The following VWA8 variants were observed in gnomAD, a reference collection of about 807,000 sequenced individuals.
VWA8 encodes von Willebrand factor A domain containing 8.
A neutral mutation model predicts 241.5 loss-of-function variants in VWA8; 221 were observed. The observed-to-expected ratio is 0.91, with a 90% confidence interval of 0.82 to 1.02. The LOEUF (loss-of-function observed/expected upper bound fraction) is 1.02, where lower values mean the gene tolerates loss of function less well. Among genes scored for constraint, VWA8 ranks in the 50% least tolerant of loss-of-function variants. VWA8 has a pLI of 0.00. For missense variants in VWA8, 2,322 were observed against 2,328.7 expected (o/e 1.00, Z 0.06); for synonymous variants, 852 against 827.1 (o/e 1.03, Z -0.52).
chr13:41,895,038 A>G (rs951783078), intron 4 of VWA8, among the ~76,000 whole-genome samples: 2 of 152,046 alleles, frequency 1.3e-5, no homozygotes, highest in African/African-American at 4.8e-5. Context: ...TGTTTAAATG[A>G]TGAAGAGGAG....
intron 39 of VWA8, among the ~76,000 whole-genome samples, chr13:41,608,536 CG>C (rs1356754270): frequency 6.6e-6 from 1 of 152,082 alleles, no homozygotes; most frequent in Non-Finnish European, 1.5e-5. Context: ...TTTATTGTTA[CG>C]TAAGAGTCTG....
intron 14 of VWA8, among the ~76,000 whole-genome samples, chr13:41,829,528 G>T (rs545706752): frequency 1.2e-5 from 1 of 85,950 alleles, no homozygotes; most frequent in Non-Finnish European, 2.3e-5. Context: ...AAGGAAATGT[G>T]ATACACACAC....
chr13:41,690,209 C>A lies in VWA8; in HGVS notation c.3933G>T (p.Val1311=). Residue 1311 remains valine (V), a synonymous_variant, in exon 33 of 45, where the codon GTG becomes GTT. Coordinates refer to ENST00000379310, the MANE Select transcript of VWA8 (RefSeq NM_015058.2). Reference sequence around the variant, plus strand: ...CTGTGCTGGGCGGCTCCTCTTTCAGCACATACAACTGGCAAACCCCACTAC... The same window carrying A: ...CTGTGCTGGGCGGCTCCTCTTTCAGAACATACAACTGGCAAACCCCACTAC... The part of the protein sequence containing the change: ...SEGSGVCQLY[V]LKEEPPSTGF... The A allele has an allele frequency of 2.5e-6, 4 of 1,612,754 alleles. No individual in the cohort carries two copies. The highest frequency in any genetic ancestry group is 3.4e-6 in the Non-Finnish European group (4 of 1,179,046).
chr13:41,590,028 G>C (rs2139646945), intron 41 of VWA8, among the ~76,000 whole-genome samples: 1 of 152,212 alleles, frequency 6.6e-6, no homozygotes, highest in East Asian at 1.9e-4. Context: ...GATTTTCAGA[G>C]AACCTTCAGA....
intron 9 of VWA8, among the ~76,000 whole-genome samples, chr13:41,879,823 A>C (rs1340643564): frequency 6.6e-6 from 1 of 152,160 alleles, no homozygotes; most frequent in Non-Finnish European, 1.5e-5. Flanking sequence ...CATATGCTTA[A>C]CGTTGTCAAA....
Position 41,567,760 on chromosome 13 carries a change from G to GT in VWA8, c.*436dup, listed in dbSNP as rs2044270667. The GT allele has an allele frequency of 6.4e-6, 1 of 155,236 alleles. No individual in the cohort carries two copies. Among genetic ancestry groups the GT allele is most frequent in the African/African-American group, 2.4e-5 (1 of 41,522 alleles). The allele number at this position is 155,236 out of a possible 1,614,324, so 9.6% of individuals were successfully genotyped here. On this transcript the variant is annotated 3_prime_UTR_variant, in exon 45 of 45. Transcript: ENST00000379310. ...TTGTTGGATAGGAGCATTTTGGTGG[G>GT]TTTTGCACAGACTTGCATCTTGTGT...
intron 42 of VWA8, among the ~76,000 whole-genome samples, chr13:41,578,067 GA>G (rs370341461): frequency 2.0e-5 from 3 of 151,668 alleles, no homozygotes; most frequent in South Asian, 2.1e-4. Context: ...ATGCCTAGGA[GA>G]AAAAAAACAT....
chr13:41,611,719 C>T lies in VWA8; in HGVS notation c.4734G>A (p.Thr1578=), dbSNP rs776821278. 28 of 1,613,846 alleles carry T rather than the reference C, an allele frequency of 1.7e-5. No individual in the cohort carries two copies. The East Asian group carries it at 3.1e-4, about 18-fold the overall frequency. Residue 1578 remains threonine (T), a synonymous_variant, in exon 39 of 45, where the codon ACG becomes ACA. Coordinates refer to ENST00000379310, the MANE Select transcript of VWA8 (RefSeq NM_015058.2). ...GGCCTCCTTTGCCACCCAGGCCTGC[C>T]GTGTCTCTTCCCCCTGGAAGGAAAA... ...TWAGGTGGRD[T]AGLGGKGGPY... is the part of the protein sequence containing the mutation.
intron 15 of VWA8, among the ~76,000 whole-genome samples, chr13:41,817,928 G>A (rs900021912): frequency 6.6e-6 from 1 of 152,062 alleles, no homozygotes; most frequent in African/African-American, 2.4e-5. Context: ...AAGCTCCCAT[G>A]TGGATACTGA....
chr13:41,771,123 T>C (rs1379961636), intron 20 of VWA8, among the ~76,000 whole-genome samples: 1 of 152,184 alleles, frequency 6.6e-6, no homozygotes, highest in African/African-American at 2.4e-5. Context: ...ATTTAAAAAA[T>C]AATTCCTTTC....
chr13:41,948,881 G>A (rs113748757), intron 2 of VWA8, among the ~76,000 whole-genome samples: 7 of 151,854 alleles, frequency 4.6e-5, no homozygotes, highest in Middle Eastern at 3.4e-3. Flanking sequence ...ACATTATTCA[G>A]GAATTAAAAA....
chr13:41,877,008 C>T (rs1277494528), intron 9 of VWA8, among the ~76,000 whole-genome samples: 4 of 152,024 alleles, frequency 2.6e-5, no homozygotes, highest in Non-Finnish European at 4.4e-5. Flanking sequence ...CACACATTAA[C>T]GGGTTCCAAG....
In VWA8 at chr13:41,567,227, A is replaced by C. The variant is rs1345848622; in HGVS notation, c.*970T>G. Reference sequence around the variant, plus strand: ...GTACATTTTGAAAGAAAAGAGAATGAGGCTTTAAAAAAAGTTGTTTTCTTT... The same window carrying C: ...GTACATTTTGAAAGAAAAGAGAATGCGGCTTTAAAAAAAGTTGTTTTCTTT... On this transcript the variant is annotated 3_prime_UTR_variant, in exon 45 of 45. Transcript: ENST00000379310. 6.6e-6 allele frequency: 1 copy of C among 152,226 alleles called. No homozygotes were observed. Among genetic ancestry groups the C allele is most frequent in the East Asian group, 1.9e-4 (1 of 5,202 alleles). 9.4% of individuals were successfully genotyped at this position (152,226 alleles called of 1,614,324 possible).
In VWA8 at chr13:41,926,208, C is replaced by T. The variant is rs1876825743; in HGVS notation, c.242-14040G>A. 3 of 688,718 alleles carry T rather than the reference C, an allele frequency of 4.4e-6. No individual in the cohort carries two copies. The Admixed American group carries it at 6.5e-5, about 15-fold the overall frequency. The allele number at this position is 688,718 out of a possible 1,614,324, so 42.7% of individuals were successfully genotyped here. On this transcript the variant is annotated intron_variant, in intron 2 of 44. Coordinates refer to ENST00000379310, the MANE Select transcript of VWA8 (RefSeq NM_015058.2). ...CATCATTCCTTATGAGATCACACTG[C>T]TGTCTCCCCACATGCATATGTTACC...
chr13:41,949,586 G>A (rs181622980), intron 2 of VWA8, among the ~76,000 whole-genome samples: 119 of 151,802 alleles, frequency 7.8e-4, no homozygotes, highest in African/African-American at 2.7e-3. Context: ...TAACAAACCT[G>A]CGTGTACTGC....
intron 2 of VWA8, among the ~76,000 whole-genome samples, chr13:41,947,480 T>C (rs1423376824): frequency 6.6e-6 from 1 of 152,160 alleles, no homozygotes; most frequent in African/African-American, 2.4e-5. Context: ...TGCAAGTCAT[T>C]AGGGAAATAC....
intron 17 of VWA8, among the ~76,000 whole-genome samples, chr13:41,794,725 A>C (rs1455922962): frequency 6.6e-6 from 1 of 152,164 alleles, no homozygotes; most frequent in Non-Finnish European, 1.5e-5. Context: ...TTTCAAGGGG[A>C]ATGCTTCCAG....
intron 37 of VWA8, among the ~76,000 whole-genome samples, chr13:41,625,369 TCAAA>T (rs551782674): frequency 2.4e-3 from 366 of 151,914 alleles, no homozygotes; most frequent in African/African-American, 8.3e-3. Flanking sequence ...TACAATGAAC[TCAAA>T]CAAATTTACA....
chr13:41,915,164 A>G (rs1876191966), intron 2 of VWA8, among the ~76,000 whole-genome samples: 6 of 152,224 alleles, frequency 3.9e-5, no homozygotes. Flanking sequence ...TACTTTCTTA[A>G]GTAGAAGAGA....
Sources: allele counts gnomAD v4.1 joint callset (sites outside exome capture counted in the v4.1 genomes callset), GRCh38; gene constraint gnomAD v4.1.1; transcripts MANE v1.5; gene names NCBI Gene and HGNC (gene_info 2026-07-23, HGNC 2026-07-21).